The following MBNL2 variants were observed in gnomAD, a reference collection of about 807,000 sequenced individuals.
The protein encoded by MBNL2 is muscleblind-like protein 2.
Under a neutral mutation model 41.9 loss-of-function variants are expected in MBNL2, and 17 were observed. That is an observed-to-expected ratio of 0.41 (90% CI 0.28 to 0.61). The LOEUF is 0.61. Among genes scored for constraint, MBNL2 ranks in the 20% least tolerant of loss-of-function variants. The pLI, the probability that MBNL2 is intolerant of heterozygous loss-of-function variation, is 0.35. For synonymous variants in MBNL2, 195 were observed against 182.9 expected (o/e 1.07, Z -0.53); for missense variants, 336 against 505.6 (o/e 0.66, Z 3.22).
the MBNL2 span, among the ~76,000 whole-genome samples, chr13:97,209,108 T>C: frequency 6.6e-6 from 1 of 152,232 alleles, no homozygotes; most frequent in African/African-American, 2.4e-5. Flanking sequence ...AAAGACATGA[T>C]TTGGGTAATT....
the MBNL2 span, among the ~76,000 whole-genome samples, chr13:97,170,021 C>T: frequency 1.3e-5 from 2 of 152,138 alleles, no homozygotes; most frequent in South Asian, 2.1e-4. Flanking sequence ...TCCAAACAAC[C>T]ATCACCTTAC....
At chr13:97,158,117 G>A in the MBNL2 span, among the ~76,000 whole-genome samples, 17 of 152,002 alleles carry the variant, frequency 1.1e-4, no homozygotes. Flanking sequence ...TCCTTGTTTA[G>A]TCTTGGGAGA....
At chr13:97,297,245 A>G (rs2152992165) in intron 2 of MBNL2, among the ~76,000 whole-genome samples, 1 of 152,274 alleles carries the variant, frequency 6.6e-6, no homozygotes, top group South Asian at 2.1e-4. Context: ...TGTCTTTGAC[A>G]TAGAGGGTTC....
At chr13:97,324,341 C>T (rs773842350) in intron 2 of MBNL2, among the ~76,000 whole-genome samples, 63 of 152,096 alleles carry the variant, frequency 4.1e-4, no homozygotes, top group Admixed American at 1.9e-3. Context: ...AACATGCACC[C>T]GTCGTATGAG....
chr13:97,283,531 A>G (rs9513224), intron 2 of MBNL2, among the ~76,000 whole-genome samples: 105,086 of 152,046 alleles, frequency 0.69, 36,616 homozygotes, highest in African/African-American at 0.77. Flanking sequence ...TCAGGTTGTA[A>G]GGAAGTATAA....
the MBNL2 span, among the ~76,000 whole-genome samples, chr13:97,146,136 G>A: frequency 4.0e-5 from 6 of 151,084 alleles, no homozygotes; most frequent in African/African-American, 7.3e-5. Flanking sequence ...GACTACAGGC[G>A]TGTGCCACTA....
intron 1 of MBNL2, among the ~76,000 whole-genome samples, chr13:97,240,662 A>G (rs1594078954): frequency 1.3e-5 from 2 of 152,338 alleles, no homozygotes; most frequent in African/African-American, 4.8e-5. Flanking sequence ...TTATTCTACA[A>G]AAGACTTTTG....
intron 5 of MBNL2, among the ~76,000 whole-genome samples, chr13:97,350,167 A>G (rs2062307053): frequency 6.6e-6 from 1 of 152,256 alleles, no homozygotes; most frequent in Non-Finnish European, 1.5e-5. Context: ...CAGTGCATAT[A>G]AAAGTTATGT....
rs147685508 is a variant in MBNL2 at position 97,378,222 on chromosome 13, T to C, written c.1048+13051T>C. On this transcript the variant is annotated intron_variant, in intron 8 of 8. Coordinates refer to ENST00000679496, the MANE Select transcript of MBNL2 (RefSeq NM_001382683.1). Reference sequence around the variant, plus strand: ...TGTAATAACACTGGCATTTATCATATGCTTACTATCCCCAAGCACTTGTTA... The same window carrying C: ...TGTAATAACACTGGCATTTATCATACGCTTACTATCCCCAAGCACTTGTTA... 2.7e-5 allele frequency among the ~76,000 whole-genome samples: 4 copies of C among 145,934 alleles called. No individual in the cohort carries two copies. In the East Asian group the frequency reaches 7.8e-4, roughly 29 times the overall value.
chr13:97,217,029 CATA>C (rs922106625), upstream of MBNL2, among the ~76,000 whole-genome samples: 38 of 144,200 alleles, frequency 2.6e-4, no homozygotes, highest in African/African-American at 9.9e-4. Flanking sequence ...ATACATATAA[CATA>C]ATATACACAT....
At chr13:97,290,663 A>G (rs78097589) in intron 2 of MBNL2, among the ~76,000 whole-genome samples, 12,597 of 143,642 alleles carry the variant, frequency 0.088, 613 homozygotes, top group South Asian at 0.14. Flanking sequence ...GGCCTGGGCG[A>G]CAGAGCGAGA....
At position 97,366,956 on chromosome 13, in the gene MBNL2, A is replaced by T. The variant is rs1414653157; in HGVS notation, c.1048+1785A>T. Among the ~76,000 whole-genome samples, 4 of 152,120 alleles carry T rather than the reference A, an allele frequency of 2.6e-5. No individual in the cohort carries two copies. Among genetic ancestry groups the T allele is most frequent in the African/African-American group, 7.2e-5 (3 of 41,414 alleles). On this transcript the variant is annotated intron_variant, in intron 8 of 8. Coordinates refer to ENST00000679496, the MANE Select transcript of MBNL2 (RefSeq NM_001382683.1). The surrounding 1 kb of genome is among the most constrained non-coding windows in gnomAD (Gnocchi z 4.7). Reference sequence around the variant, plus strand: ...CCCTATCATCTGTGTGGAGGAAAAAAATCTCCTCTTAGAAAGAGTCATATT... The same window carrying T: ...CCCTATCATCTGTGTGGAGGAAAAATATCTCCTCTTAGAAAGAGTCATATT...
intron 7 of MBNL2, among the ~76,000 whole-genome samples, chr13:97,357,954 A>G (rs1315244681): frequency 1.3e-5 from 2 of 152,204 alleles, no homozygotes; most frequent in African/African-American, 2.4e-5. Context: ...ATGTGTGACA[A>G]TTGAAATTTG....
chr13:97,385,912 G>C (rs1034919056), intron 8 of MBNL2, among the ~76,000 whole-genome samples: 2 of 152,162 alleles, frequency 1.3e-5, no homozygotes, highest in African/African-American at 4.8e-5. Flanking sequence ...ATTTTGCTTT[G>C]AACCAAGTGT....
intron 1 of MBNL2, among the ~76,000 whole-genome samples, chr13:97,233,886 A>G (rs2042825187): frequency 2.6e-5 from 4 of 152,166 alleles, no homozygotes. Context: ...GGGAAGACAC[A>G]TTAGAGTCAA....
chr13:97,319,625 T>C (rs908194612), intron 2 of MBNL2, among the ~76,000 whole-genome samples: 1 of 152,164 alleles, frequency 6.6e-6, no homozygotes, highest in African/African-American at 2.4e-5. Context: ...ATTCACCCAT[T>C]TTCTTTGACT....
intron 7 of MBNL2, among the ~76,000 whole-genome samples, chr13:97,363,342 G>C (rs533719135): frequency 2.6e-5 from 4 of 151,806 alleles, no homozygotes; most frequent in African/African-American, 9.7e-5. Context: ...GAGTCCTGAG[G>C]AACTCCAGCA....
the MBNL2 span, among the ~76,000 whole-genome samples, chr13:97,162,355 G>C: frequency 2.0e-5 from 3 of 152,108 alleles, no homozygotes; most frequent in African/African-American, 7.2e-5. Flanking sequence ...GGAAAGAGAC[G>C]GCTTACTGGA....
chr13:97,391,292 C>A, intron 8 of MBNL2, 30 bp from the exon 9 acceptor site: 1 of 973,434 alleles, frequency 1.0e-6, no homozygotes, highest in Non-Finnish European at 1.7e-6. Context: ...AGAAGGATAC[C>A]TAAATCATGC....
Sources: allele counts gnomAD v4.1 joint callset (sites outside exome capture counted in the v4.1 genomes callset), GRCh38; gene constraint gnomAD v4.1.1; non-coding constraint Gnocchi (gnomAD v3.1); transcripts MANE v1.5; gene names NCBI Gene and HGNC (gene_info 2026-07-23, HGNC 2026-07-21).